OR51B5: variants seen among roughly 807,000 people sequenced by gnomAD.
OR51B5 encodes the protein olfactory receptor 51B5.
For missense variants in OR51B5, 456 were observed against 374.6 expected (o/e 1.22, Z -1.79); for synonymous variants, 186 against 144.8 (o/e 1.28, Z -2.04).
At chr11:5,342,627 C>T (rs1444676776) in exon 1 of OR51B5, 3 of 1,604,394 alleles carry the variant, frequency 1.9e-6, no homozygotes, top group African/African-American at 2.7e-5. Context: ...TGAAGAATGG[C>T]ATTCTGAATC....
At chr11:5,409,810 G>A (rs1040102213) in intron 1 of OR51B5, among the ~76,000 whole-genome samples, 2 of 152,052 alleles carry the variant, frequency 1.3e-5, no homozygotes, top group Admixed American at 6.6e-5. Flanking sequence ...ATCCAAGAAG[G>A]TCCACATAGT....
At chr11:5,503,855 A>G (rs1846333409) in intron 1 of OR51B5, among the ~76,000 whole-genome samples, 1 of 152,230 alleles carries the variant, frequency 6.6e-6, no homozygotes, top group East Asian at 1.9e-4. Flanking sequence ...AAATTAAATT[A>G]ACTTGATTTA....
chr11:5,492,586 A>C (rs889804724), intron 1 of OR51B5, among the ~76,000 whole-genome samples: 1 of 152,184 alleles, frequency 6.6e-6, no homozygotes, highest in African/African-American at 2.4e-5. Context: ...CACCTGTTCC[A>C]AGGGAATTGA....
chr11:5,397,084 C>G (rs1849886070), intron 1 of OR51B5, among the ~76,000 whole-genome samples: 1 of 152,242 alleles, frequency 6.6e-6, no homozygotes, highest in South Asian at 2.1e-4. Context: ...AATGTTAGAC[C>G]TAAAACCATA....
chr11:5,403,878 G>C (rs1037497506), intron 1 of OR51B5, among the ~76,000 whole-genome samples: 7 of 152,054 alleles, frequency 4.6e-5, no homozygotes, highest in Admixed American at 6.6e-5. Context: ...AGGTGTAATG[G>C]GAAATCTATT....
intron 1 of OR51B5, chr11:5,391,362 G>A (rs1197181873): frequency 6.6e-6 from 1 of 152,158 alleles, no homozygotes; most frequent in Non-Finnish European, 1.5e-5. Context: ...TGCATTTCCC[G>A]TTGTAACATT....
At chr11:5,418,539 C>G (rs977702305) in intron 1 of OR51B5, among the ~76,000 whole-genome samples, 2 of 152,052 alleles carry the variant, frequency 1.3e-5, no homozygotes, top group African/African-American at 4.8e-5. Flanking sequence ...CCATGGAATA[C>G]TACGCCGCCA....
rs190296678 is a variant in OR51B5 at position 5,362,152 on chromosome 11, C to A, written n.85-15242G>T. Among the ~76,000 whole-genome samples the A allele has an allele frequency of 3.2e-4, 49 of 152,298 alleles. 1 individual carries two copies. The highest frequency in any genetic ancestry group is 3.1e-3 in the Admixed American group (48 of 15,298). On this transcript the variant is annotated intron_variant and non_coding_transcript_variant, in intron 1 of 4. Transcript: ENST00000415970. Reference sequence around the variant, plus strand: ...AGAGAGCTTGTTGGTTCACTTCATTCCATGCTGAGCTATCAGCACTGCAGA... The same window carrying A: ...AGAGAGCTTGTTGGTTCACTTCATTACATGCTGAGCTATCAGCACTGCAGA...
chr11:5,475,655 T>C (rs1851294488), intron 1 of OR51B5, among the ~76,000 whole-genome samples: 1 of 152,240 alleles, frequency 6.6e-6, no homozygotes. Context: ...TGGAAAAGTA[T>C]GCATTTATTG....
chr11:5,415,094 T>A (rs1270202134), intron 1 of OR51B5, among the ~76,000 whole-genome samples: 1 of 152,094 alleles, frequency 6.6e-6, no homozygotes, highest in Non-Finnish European at 1.5e-5. Context: ...CACAGTGCAA[T>A]CAAACTAGAA....
intron 1 of OR51B5, among the ~76,000 whole-genome samples, chr11:5,353,483 GGAGGAAGGGA>G (rs1849135256): frequency 1.3e-5 from 2 of 152,068 alleles, no homozygotes; most frequent in Middle Eastern, 3.2e-3. Context: ...TGGAGAGTGG[GGAGGAAGGGA>G]GAGGATGGAG....
chr11:5,343,393 A>C (rs957861990), exon 1 of OR51B5: 8 of 1,614,016 alleles, frequency 5.0e-6, no homozygotes, highest in Non-Finnish European at 5.9e-6. Context: ...TAATGAGAAG[A>C]AGGAGGGTGC....
intron 1 of OR51B5, among the ~76,000 whole-genome samples, chr11:5,424,353 CAAA>C (rs1296801045): frequency 2.0e-5 from 3 of 150,824 alleles, no homozygotes; most frequent in Non-Finnish European, 2.9e-5. Flanking sequence ...AACAAACAAA[CAAA>C]AAACAAACAA....
chr11:5,386,678 C>G (rs1384896244), intron 1 of OR51B5, among the ~76,000 whole-genome samples: 2 of 151,282 alleles, frequency 1.3e-5, no homozygotes, highest in African/African-American at 2.4e-5. Flanking sequence ...GAAGGAGGAG[C>G]CTGGCTTTGC....
chr11:5,374,724 A>G (rs1255754533), intron 1 of OR51B5, among the ~76,000 whole-genome samples: 1 of 152,230 alleles, frequency 6.6e-6, no homozygotes, highest in Non-Finnish European at 1.5e-5. Context: ...ACTGGAAGAA[A>G]GGGTATCAGT....
Position 5,423,149 on chromosome 11 carries a change from A to G in OR51B5, n.85-76239T>C, listed in dbSNP as rs943729214. The G allele has an allele frequency of 5.0e-6, 8 of 1,585,626 alleles. No homozygotes were observed. In the Admixed American group the frequency reaches 6.8e-5, roughly 13 times the overall value. Reference sequence around the variant, plus strand: ...CCTTTCCCTCAAAAATATGCATTCAAGATGAGGGAATGCATTTCTTAAATT... The same window carrying G: ...CCTTTCCCTCAAAAATATGCATTCAGGATGAGGGAATGCATTTCTTAAATT... On this transcript the variant is annotated intron_variant and non_coding_transcript_variant, in intron 1 of 4. Coordinates refer to the OR51B5 transcript ENST00000415970.
Position 5,412,507 on chromosome 11 carries a change from C to T in OR51B5, n.85-65597G>A, listed in dbSNP as rs527236868. On this transcript the variant is annotated intron_variant and non_coding_transcript_variant, in intron 1 of 4. Transcript: ENST00000415970. The stretch of plus-strand genomic sequence containing the variant: ...GCGAGGCATTGCCTCACTCGGGAAG[C>T]GCAAGGGGTCAGGGAGTTCCCTTTC... Among the ~76,000 whole-genome samples the T allele has an allele frequency of 7.1e-4, 108 of 152,322 alleles. 1 individual carries two copies. Among genetic ancestry groups the T allele is most frequent in the African/African-American group, 2.4e-3 (100 of 41,582 alleles).
intron 1 of OR51B5, among the ~76,000 whole-genome samples, chr11:5,490,748 A>T (rs1026716755): frequency 6.6e-6 from 1 of 152,162 alleles, no homozygotes; most frequent in Non-Finnish European, 1.5e-5. Flanking sequence ...AGATTATGAG[A>T]TCTGTGTGCA....
chr11:5,469,060 A>C (rs1851183642), intron 1 of OR51B5: 1 of 263,246 alleles, frequency 3.8e-6, no homozygotes, highest in South Asian at 3.9e-5. Context: ...AGTGGTCAAA[A>C]CTCATGGCCA....
Sources: allele counts gnomAD v4.1 joint callset (sites outside exome capture counted in the v4.1 genomes callset), GRCh38; gene constraint gnomAD v4.1.1; transcripts MANE v1.5; gene names NCBI Gene and HGNC (gene_info 2026-07-23, HGNC 2026-07-21).